Variants in GRAMD4 observed in about 807,000 individuals in gnomAD.
GRAMD4 encodes the protein GRAM domain containing 4, also known as GRAM domain-containing protein 4.
A neutral mutation model predicts 83.9 loss-of-function variants in GRAMD4; 25 were observed. The observed-to-expected ratio is 0.30, with a 90% CI of 0.22 to 0.42. The LOEUF (loss-of-function observed/expected upper bound fraction) is 0.42. GRAMD4 is among the 10% of genes least tolerant of loss of function. The probability of loss-of-function intolerance (pLI) is 1.00; values close to 1 mark genes in which losing one functional copy is unlikely to be tolerated. For missense variants in GRAMD4, 593 were observed against 788.7 expected (o/e 0.75, Z 2.97); for synonymous variants, 336 against 320.9 (o/e 1.05, Z -0.50).
At chr22:46,604,736 G>C (rs1209769380) in intron 1 of GRAMD4, among the ~76,000 whole-genome samples, 1 of 152,282 alleles carries the variant, frequency 6.6e-6, no homozygotes, top group Admixed American at 6.5e-5. Flanking sequence ...GGTTCACCCA[G>C]GTTCTGGTGC....
In GRAMD4 at chr22:46,668,678, C is replaced by T; in HGVS notation, c.931-11C>T. ...GGGGGCTGTTGTAATTGCTGTTTCTCCTTCACACAGAACCTTTTCGGGAAG... is the reference window on the plus strand; with the variant it reads ...GGGGGCTGTTGTAATTGCTGTTTCTTCTTCACACAGAACCTTTTCGGGAAG... On this transcript the variant is annotated splice_polypyrimidine_tract_variant and intron_variant, in intron 11 of 18. Coordinates refer to ENST00000406902, the MANE Select transcript of GRAMD4 (RefSeq NM_015124.5). 6.2e-7 allele frequency: 1 copy of T among 1,611,976 alleles called. No homozygotes were observed. The highest frequency in any genetic ancestry group is 1.3e-5 in the African/African-American group (1 of 75,048).
intron 4 of GRAMD4, among the ~76,000 whole-genome samples, chr22:46,660,013 C>T (rs954354230): frequency 6.6e-6 from 1 of 152,210 alleles, no homozygotes; most frequent in African/African-American, 2.4e-5. Context: ...GCTTCTCCCC[C>T]GGTGGCTAAG....
intron 10 of GRAMD4, 69 bp from the exon 11 acceptor site, chr22:46,668,027 C>T (rs1016169511): frequency 7.7e-5 from 87 of 1,130,218 alleles, no homozygotes; most frequent in Non-Finnish European, 1.1e-4. Flanking sequence ...GGGCTCCACA[C>T]TGTTTTGTCA....
intron 1 of GRAMD4, among the ~76,000 whole-genome samples, chr22:46,614,898 T>C (rs55778595): frequency 2.5e-3 from 11 of 4,430 alleles, no homozygotes. Flanking sequence ...CCCCTGTGCA[T>C]GTAGGTTCCC....
At chr22:46,632,179 G>A (rs575113061) in intron 2 of GRAMD4, among the ~76,000 whole-genome samples, 1 of 152,348 alleles carries the variant, frequency 6.6e-6, no homozygotes, top group East Asian at 1.9e-4. Context: ...GGCCCTGGGT[G>A]GGCTTGAGGG....
At chr22:46,648,935 CATGGATGGATGG>C (rs57053112) in intron 3 of GRAMD4, among the ~76,000 whole-genome samples, 2,999 of 45,592 alleles carry the variant, frequency 0.066, 157 homozygotes, top group South Asian at 0.1. Context: ...TGGATGGATG[CATGGATGGATGG>C]ATGGATGGAT....
intron 1 of GRAMD4, among the ~76,000 whole-genome samples, chr22:46,580,631 G>A (rs1449991906): frequency 2.6e-5 from 4 of 152,148 alleles, no homozygotes; most frequent in Non-Finnish European, 5.9e-5. Context: ...GAACTTAGAG[G>A]CAGGTCACTC....
downstream of GRAMD4, chr22:46,679,940 G>A (rs905187524): frequency 1.5e-5 from 3 of 197,594 alleles, no homozygotes; most frequent in Non-Finnish European, 1.8e-5. Flanking sequence ...GTACTGATGC[G>A]GCCTGAGTGA....
At chr22:46,667,148 G>T (rs2082422645) in intron 10 of GRAMD4, among the ~76,000 whole-genome samples, 1 of 152,230 alleles carries the variant, frequency 6.6e-6, no homozygotes, top group South Asian at 2.1e-4. Flanking sequence ...CTAGGATGTG[G>T]TATGGCAGGG....
At chr22:46,604,266 T>G (rs2081344047) in intron 1 of GRAMD4, among the ~76,000 whole-genome samples, 1 of 152,228 alleles carries the variant, frequency 6.6e-6, no homozygotes, top group Admixed American at 6.5e-5. Flanking sequence ...CCTATAAACC[T>G]TAGATCCAGA....
intron 1 of GRAMD4, among the ~76,000 whole-genome samples, chr22:46,594,307 C>T (rs1222517624): frequency 1.3e-5 from 2 of 152,026 alleles, no homozygotes; most frequent in African/African-American, 4.8e-5. Context: ...GCCTGGTGGG[C>T]CCCTCCTCCC....
chr22:46,666,032 C>G (rs1201686250), intron 9 of GRAMD4, among the ~76,000 whole-genome samples: 1 of 152,262 alleles, frequency 6.6e-6, no homozygotes, highest in Non-Finnish European at 1.5e-5. Context: ...AAACAGGGCT[C>G]CACGCCCCGG....
At chr22:46,674,356 C>G (rs947193890) in intron 15 of GRAMD4, among the ~76,000 whole-genome samples, 5 of 152,138 alleles carry the variant, frequency 3.3e-5, no homozygotes, top group Non-Finnish European at 5.9e-5. Flanking sequence ...TGTCCCAGCG[C>G]CCTGACCCTG....
chr22:46,668,806 A>G lies in GRAMD4; in HGVS notation c.982A>G (p.Met328Val). 1.3e-6 allele frequency: 2 copies of G among 1,496,990 alleles called. No homozygotes were observed. Among genetic ancestry groups the G allele is most frequent in the Non-Finnish European group, 1.8e-6 (2 of 1,106,806 alleles). The allele number at this position is 1,496,990 out of a possible 1,614,324, so 92.7% of individuals were successfully genotyped here. The stretch of plus-strand genomic sequence containing the variant: ...CCTCCCGTCTCCTTCCAGCTTGTTC[A>G]TGTGGGTCCAGCCGGAGATCACACA... ...DILEKIKNLF[M>V]WVQPEITQKL... The change falls in exon 13 of 19, where the codon ATG (methionine) becomes GTG (valine). Residue 328 changes from methionine (M) to valine (V), a missense_variant. By Grantham distance (21) the Met-to-Val change is conservative. Transcript: ENST00000406902.
At chr22:46,577,346 C>T in intron 1 of GRAMD4, 1 of 973,126 alleles carries the variant, frequency 1.0e-6, no homozygotes, top group Non-Finnish European at 1.2e-6. Flanking sequence ...CGCGACCACT[C>T]TCCCTTTTGG....
chr22:46,578,108 C>T (rs1471694105), intron 1 of GRAMD4, among the ~76,000 whole-genome samples: 13 of 152,314 alleles, frequency 8.5e-5, no homozygotes, highest in Admixed American at 7.2e-4. Flanking sequence ...TCCACTTTTT[C>T]GGCTATTGTC....
chr22:46,593,785 G>A (rs994799392), intron 1 of GRAMD4, among the ~76,000 whole-genome samples: 12 of 151,812 alleles, frequency 7.9e-5, no homozygotes, highest in East Asian at 3.9e-4. Context: ...GTGCAGTGGC[G>A]CGATCTCAGC....
rs183812398 is a variant in GRAMD4 at position 46,663,574 on chromosome 22, C to A, written c.600-264C>A. ...GGCCCTGCCCTTGAGGACTTCTGTT[C>A]TGGGGACACAGGCAGGAGATGAGGG... is the stretch of plus-strand genomic sequence containing the variant. On this transcript the variant is annotated intron_variant, in intron 6 of 18. Transcript: ENST00000406902. Among the ~76,000 whole-genome samples, 407 of 152,340 alleles carry A rather than the reference C, an allele frequency of 2.7e-3. 12 individuals carry two copies. Among genetic ancestry groups the A allele is most frequent in the Admixed American group, 0.025 (382 of 15,306 alleles).
At chr22:46,577,376 GCTCA>G (rs1209310501) in intron 1 of GRAMD4, 2 of 675,858 alleles carry the variant, frequency 3.0e-6, no homozygotes, top group African/African-American at 2.4e-5. Flanking sequence ...TCGCGACCCA[GCTCA>G]CTCGGCCGCG....
Sources: allele counts gnomAD v4.1 joint callset (sites outside exome capture counted in the v4.1 genomes callset), GRCh38; gene constraint gnomAD v4.1.1; transcripts MANE v1.5; gene names NCBI Gene and HGNC (gene_info 2026-07-23, HGNC 2026-07-21).